SUCO: variants seen among roughly 807,000 people sequenced by gnomAD.
SUCO encodes the protein SUN domain containing ossification factor, also known as SUN domain-containing ossification factor.
Under a neutral mutation model 148.1 loss-of-function variants are expected in SUCO, and 57 were observed. That is an observed-to-expected ratio of 0.38 (90% confidence interval 0.31 to 0.48). SUCO has a LOEUF of 0.48. Among genes scored for constraint, SUCO ranks in the 20% least tolerant of loss-of-function variants. The pLI, the probability that SUCO is intolerant of heterozygous loss-of-function variation, is 0.96. For synonymous variants in SUCO, 470 were observed against 502.7 expected, an observed-to-expected ratio of 0.93 and a Z score of 0.87; for missense variants, 1,331 against 1,468.2, an observed-to-expected ratio of 0.91 and a Z score of 1.53.
intron 4 of SUCO, among the ~76,000 whole-genome samples, chr1:172,556,305 A>C (rs1653755415): frequency 6.6e-6 from 1 of 152,236 alleles, no homozygotes; most frequent in Non-Finnish European, 1.5e-5. Flanking sequence ...GGTTCTACTT[A>C]GGAAACAGTG....
rs1656518031 is a variant in SUCO at position 172,589,909 on chromosome 1, G to T, written c.2808G>T (p.Leu936=). 1 of 1,522,598 alleles carries T rather than the reference G, an allele frequency of 6.6e-7. No homozygotes were observed. Among genetic ancestry groups the T allele is most frequent in the Admixed American group, 2.2e-5 (1 of 44,938 alleles). The allele number at this position is 1,522,598 out of a possible 1,614,324, so 94.3% of individuals were successfully genotyped here. ...EVNMSLSGRY[L]EELSQRYRKQ... ...ACATGTCTCTCAGTGGTCGCTATCTGGAGGAGCTTAGCCAAAGGTAAGCTT... is the reference window on the plus strand; with the variant it reads ...ACATGTCTCTCAGTGGTCGCTATCTTGAGGAGCTTAGCCAAAGGTAAGCTT... Residue 936 remains leucine (L), a synonymous_variant, in exon 18 of 24, where the codon CTG becomes CTT. Transcript: ENST00000263688.
chr1:172,574,942 C>G (rs1655323737), intron 10 of SUCO: 1 of 961,518 alleles, frequency 1.0e-6, no homozygotes, highest in Non-Finnish European at 1.2e-6. Context: ...TCTTATATGT[C>G]AAATGAACAT....
At chr1:172,534,472 T>C (rs1232117513) in intron 1 of SUCO, among the ~76,000 whole-genome samples, 1 of 152,248 alleles carries the variant, frequency 6.6e-6, no homozygotes, top group Non-Finnish European at 1.5e-5. Context: ...TTTTTATGGA[T>C]GCCTTATGGA....
upstream of SUCO, chr1:172,532,417 C>A (rs1651649890): frequency 1.1e-5 from 16 of 1,395,478 alleles, no homozygotes; most frequent in Non-Finnish European, 1.5e-5. Context: ...CGGCAAGCGG[C>A]GAAATTCTTG....
At chr1:172,562,697 T>C (rs1030122308) in intron 6 of SUCO, among the ~76,000 whole-genome samples, 1 of 152,212 alleles carries the variant, frequency 6.6e-6, no homozygotes, top group African/African-American at 2.4e-5. Context: ...AGTTTAATCA[T>C]ACACAAAATT....
At chr1:172,534,701 T>C (rs769705220) in intron 1 of SUCO, among the ~76,000 whole-genome samples, 3 of 152,222 alleles carry the variant, frequency 2.0e-5, no homozygotes, top group Non-Finnish European at 4.4e-5. Context: ...CTGTGTTGGG[T>C]ACGGAGAAGT....
chr1:172,532,576 A>G (rs780020352), upstream of SUCO: 9 of 1,613,972 alleles, frequency 5.6e-6, no homozygotes, highest in South Asian at 8.8e-5. Context: ...CTTCCCTCAC[A>G]ACACACACGT....
intron 1 of SUCO, among the ~76,000 whole-genome samples, chr1:172,548,036 C>A (rs780057930): frequency 6.6e-6 from 1 of 151,862 alleles, no homozygotes; most frequent in South Asian, 2.1e-4. Flanking sequence ...ATGCTGCCTA[C>A]TCTTCTGAAA....
intron 19 of SUCO, among the ~76,000 whole-genome samples, chr1:172,591,907 G>C (rs1359423605): frequency 6.6e-6 from 1 of 152,198 alleles, no homozygotes; most frequent in African/African-American, 2.4e-5. Flanking sequence ...CAATGTAACA[G>C]TGTTCCTATT....
intron 18 of SUCO, among the ~76,000 whole-genome samples, chr1:172,590,135 C>G (rs577812963): frequency 2.0e-5 from 3 of 152,182 alleles, no homozygotes; most frequent in East Asian, 3.9e-4. Flanking sequence ...AAAGTACTTT[C>G]CAGTGACAAA....
Position 172,600,185 on chromosome 1 carries a change from G to C in SUCO, c.3018+17G>C. 1.3e-6 allele frequency: 2 copies of C among 1,550,302 alleles called. No individual in the cohort carries two copies. The highest frequency in any genetic ancestry group is 1.8e-6 in the Non-Finnish European group (2 of 1,127,310). On this transcript the variant is annotated intron_variant, in intron 20 of 23. Transcript: ENST00000263688. Reference sequence around the variant, plus strand: ...AAACGGGAGGTAATTGTTATTGCTGGTATTGCGAGACCCAATGCATGTATA... The same window carrying C: ...AAACGGGAGGTAATTGTTATTGCTGCTATTGCGAGACCCAATGCATGTATA...
chr1:172,542,614 T>C, intron 1 of SUCO: 1 of 347,458 alleles, frequency 2.9e-6, no homozygotes, highest in African/African-American at 2.2e-5. Flanking sequence ...ACGCGAGGGA[T>C]CTAGGTTGTG....
rs1048314215 is a variant in SUCO, at chr1:172,599,485, T to C, written c.2914-579T>C. 1.0e-5 allele frequency: 7 copies of C among 680,426 alleles called. No homozygotes were observed. The South Asian group carries it at 4.6e-4, about 45-fold the overall frequency. 42.1% of individuals were successfully genotyped at this position (680,426 alleles called of 1,614,324 possible). A position where few individuals can be genotyped will look rare whatever the true frequency, so the allele number is the denominator to read the frequency against. ...AAAGTTTCTAAAATTCAGTGCTGCCTAAAACAGATGGAAAGATAGGCATTT... is the reference window on the plus strand; with the variant it reads ...AAAGTTTCTAAAATTCAGTGCTGCCCAAAACAGATGGAAAGATAGGCATTT... On this transcript the variant is annotated intron_variant, in intron 19 of 23. Transcript: ENST00000263688.
chr1:172,565,992 TCATC>T (rs1466778617), intron 6 of SUCO, among the ~76,000 whole-genome samples: 5 of 152,326 alleles, frequency 3.3e-5, no homozygotes, highest in South Asian at 4.1e-4. Flanking sequence ...ATTTGGGTCT[TCATC>T]CAGGTTCCCT....
intron 6 of SUCO, among the ~76,000 whole-genome samples, chr1:172,562,404 G>T (rs894379462): frequency 2.0e-5 from 3 of 146,714 alleles, no homozygotes; most frequent in African/African-American, 7.7e-5. Context: ...TGCGATCTCT[G>T]CTCACTGCAA....
chr1:172,562,327 A>ATTTTTTTTTTTTTTTTTTTTTTTTTTT, intron 6 of SUCO, among the ~76,000 whole-genome samples: 1 of 137,706 alleles, frequency 7.3e-6, no homozygotes, highest in Non-Finnish European at 1.6e-5. Context: ...GGGTTTTAAC[A>ATTTTTTTTTTTTTTTTTTTTTTTTTTT]TTTTTTTTTT....
chr1:172,532,920 T>C, upstream of SUCO: 1 of 1,370,998 alleles, frequency 7.3e-7, no homozygotes, highest in South Asian at 1.5e-5. Context: ...CTCCTGCGCT[T>C]TGTGGTCTCC....
intron 13 of SUCO, 50 bp downstream of exon 13, chr1:172,577,869 C>A (rs1394647377): frequency 1.4e-6 from 2 of 1,419,480 alleles, no homozygotes; most frequent in Non-Finnish European, 1.9e-6. Context: ...AATTGATATA[C>A]AAAATTTTCG....
chr1:172,544,112 A>C, intron 1 of SUCO: 1 of 951,874 alleles, frequency 1.1e-6, no homozygotes, highest in South Asian at 4.9e-5. Context: ...AGTAATATTC[A>C]AAAACTACAA....
Sources: allele counts gnomAD v4.1 joint callset (sites outside exome capture counted in the v4.1 genomes callset), GRCh38; gene constraint gnomAD v4.1.1; transcripts MANE v1.5; gene names NCBI Gene and HGNC (gene_info 2026-07-23, HGNC 2026-07-21).